PTER: variants seen among roughly 807,000 people sequenced by gnomAD.
The protein encoded by PTER is N-acetyltaurine hydrolase.
PTER carries 38 observed loss-of-function variants against 29.6 expected under a neutral mutation model. The ratio of observed to expected loss-of-function variants is 1.28; its 90% CI spans 0.99 to 1.68. The LOEUF (loss-of-function observed/expected upper bound fraction) is 1.68. PTER is among the 40% of genes most tolerant of loss of function. The probability of loss-of-function intolerance (pLI) is 0.00; values close to 1 mark genes in which losing one functional copy is unlikely to be tolerated. For synonymous variants in PTER, 172 were observed against 154.5 expected, an observed-to-expected ratio of 1.11 and a Z score of -0.84; for missense variants, 482 against 427.8, an observed-to-expected ratio of 1.13 and a Z score of -1.12.
chr10:16,508,903 A>G (rs977443958), intron 4 of PTER, among the ~76,000 whole-genome samples: 2 of 152,164 alleles, frequency 1.3e-5, no homozygotes, highest in African/African-American at 4.8e-5. Flanking sequence ...TTTCTGAGCC[A>G]TCGTAGTCTT....
downstream of PTER, among the ~76,000 whole-genome samples, chr10:16,515,170 T>C (rs1836930374): frequency 6.6e-6 from 1 of 151,198 alleles, no homozygotes; most frequent in Admixed American, 6.6e-5. Flanking sequence ...AAAATTGAGG[T>C]ATGTAATAGC....
intron 1 of PTER, among the ~76,000 whole-genome samples, chr10:16,451,482 G>A (rs536637326): frequency 1.5e-4 from 23 of 152,280 alleles, no homozygotes; most frequent in Middle Eastern, 3.4e-3. Context: ...GCCAAGGTGG[G>A]TGGATCACTT....
At chr10:16,459,696 G>C (rs1564389654) in intron 1 of PTER, among the ~76,000 whole-genome samples, 1 of 151,950 alleles carries the variant, frequency 6.6e-6, no homozygotes, top group Non-Finnish European at 1.5e-5. Context: ...TATTTGCTTT[G>C]CACTTAGATA....
At chr10:16,438,519 G>T (rs1331748615) in intron 1 of PTER, among the ~76,000 whole-genome samples, 2 of 149,422 alleles carry the variant, frequency 1.3e-5, no homozygotes, top group African/African-American at 2.5e-5. Context: ...ATTTTGTCCA[G>T]GTTGGTGTCA....
rs1836850633 is a variant in PTER, at chr10:16,512,429, T to C, written c.*1173T>C. On this transcript the variant is annotated 3_prime_UTR_variant, in exon 5 of 5. Transcript: ENST00000535784. Reference sequence around the variant, plus strand: ...TAATTCGAAATAAAATCCATTGCAATTCATTTATGAGTTATCTTACATATC... The same window carrying C: ...TAATTCGAAATAAAATCCATTGCAACTCATTTATGAGTTATCTTACATATC... 1 of 152,128 alleles carries C rather than the reference T, an allele frequency of 6.6e-6. No individual in the cohort carries two copies. Among genetic ancestry groups the C allele is most frequent in the Non-Finnish European group, 1.5e-5 (1 of 67,998 alleles). The allele number at this position is 152,128 out of a possible 1,614,324, so 9.4% of individuals were successfully genotyped here. A position where few individuals can be genotyped will look rare whatever the true frequency, so the allele number is the denominator to read the frequency against.
intron 4 of PTER, among the ~76,000 whole-genome samples, chr10:16,505,629 T>G (rs930087440): frequency 1.3e-5 from 2 of 152,228 alleles, no homozygotes; most frequent in South Asian, 4.1e-4. Flanking sequence ...GACTAAATAT[T>G]ATGTAAAATG....
At chr10:16,474,548 T>C (rs1835184519) in intron 1 of PTER, among the ~76,000 whole-genome samples, 1 of 152,028 alleles carries the variant, frequency 6.6e-6, no homozygotes, top group African/African-American at 2.4e-5. Flanking sequence ...ACCTACCCAT[T>C]TGGGGTGCTC....
Position 16,498,358 on chromosome 10 carries a change from C to G in PTER, c.699-6662C>G, listed in dbSNP as rs573729173. 2.6e-5 allele frequency among the ~76,000 whole-genome samples: 4 copies of G among 152,066 alleles called. No individual in the cohort carries two copies. In the East Asian group the frequency reaches 7.7e-4, roughly 29 times the overall value. On this transcript the variant is annotated intron_variant, in intron 3 of 4. Coordinates refer to ENST00000535784, the MANE Select transcript of PTER (RefSeq NM_001261836.2). ...AGGCCAAGGCAGGCAGATCAGCTGG[C>G]GCATCAGCTGAGGTCAGGAGTTTGA...
intron 3 of PTER, among the ~76,000 whole-genome samples, chr10:16,493,859 ATAAT>A (rs35497269): frequency 0.07 from 10,724 of 152,270 alleles, 502 homozygotes; most frequent in East Asian, 0.19. Context: ...AGTTATGGTG[ATAAT>A]TAATAATTAA....
intron 1 of PTER, among the ~76,000 whole-genome samples, chr10:16,482,657 T>C (rs1835523172): frequency 6.6e-6 from 1 of 152,180 alleles, no homozygotes; most frequent in Non-Finnish European, 1.5e-5. Context: ...CACGTGATGC[T>C]CCTTTTCTTC....
Position 16,484,516 on chromosome 10 carries a change from G to C in PTER, c.132G>C (p.Gln44His). 1 of 1,613,964 alleles carries C rather than the reference G, an allele frequency of 6.2e-7. No individual in the cohort carries two copies. The highest frequency in any genetic ancestry group is 8.5e-7 in the Non-Finnish European group (1 of 1,179,978). Reference sequence around the variant, plus strand: ...GTTACTGTCCACCTCCCCCGTGCCAGGAAGCTATTTCCAAAGAACCTATCG... The same window carrying C: ...GTTACTGTCCACCTCCCCCGTGCCACGAAGCTATTTCCAAAGAACCTATCG... The part of the protein sequence containing the change: ...DCCYCPPPPC[Q>H]EAISKEPIVM... Residue 44 changes from glutamine (Q) to histidine (H), a missense_variant, in exon 2 of 5, where the codon CAG becomes CAC. Transcript: ENST00000535784.
chr10:16,490,971 A>G (rs527606412), intron 3 of PTER, among the ~76,000 whole-genome samples: 3 of 151,820 alleles, frequency 2.0e-5, no homozygotes, highest in Non-Finnish European at 2.9e-5. Flanking sequence ...CTATATATAC[A>G]CATATGTATA....
At chr10:16,503,680 A>G (rs147929117) in intron 3 of PTER, among the ~76,000 whole-genome samples, 1,602 of 152,236 alleles carry the variant, frequency 0.011, 27 homozygotes, top group African/African-American at 0.037. Context: ...TGCTGGGATT[A>G]CAGGTGTGAG....
intron 1 of PTER, among the ~76,000 whole-genome samples, chr10:16,463,890 A>T (rs1286030410): frequency 6.6e-6 from 1 of 152,224 alleles, no homozygotes; most frequent in Admixed American, 6.5e-5. Flanking sequence ...AATACAGCTC[A>T]TCATCCTTGT....
intron 2 of PTER, among the ~76,000 whole-genome samples, chr10:16,485,128 A>G (rs1564401189): frequency 6.6e-6 from 1 of 152,216 alleles, no homozygotes; most frequent in Non-Finnish European, 1.5e-5. Context: ...ATCTGTCCTC[A>G]GTATTGGCAC....
At chr10:16,468,375 T>C (rs1049017702) in intron 1 of PTER, among the ~76,000 whole-genome samples, 1 of 23,904 alleles carries the variant, frequency 4.2e-5, no homozygotes, top group South Asian at 3.1e-3. Context: ...TGTTTAGCTC[T>C]TTTTTTTTTT....
intron 1 of PTER, among the ~76,000 whole-genome samples, chr10:16,470,093 G>A (rs1588602917): frequency 6.6e-6 from 1 of 152,242 alleles, no homozygotes; most frequent in East Asian, 1.9e-4. Flanking sequence ...ATGAAGTGCT[G>A]TTCATAGTCA....
At chr10:16,490,709 A>ATC (rs1835868705) in intron 3 of PTER, among the ~76,000 whole-genome samples, 1 of 149,762 alleles carries the variant, frequency 6.7e-6, no homozygotes, top group African/African-American at 2.5e-5. Flanking sequence ...CTAGTCTGCC[A>ATC]TACTGCTTGA....
intron 1 of PTER, among the ~76,000 whole-genome samples, chr10:16,440,100 CTA>C (rs1339936569): frequency 1.4e-5 from 2 of 141,574 alleles, no homozygotes; most frequent in Non-Finnish European, 3.0e-5. Flanking sequence ...GGGTCTCACT[CTA>C]TTGCCCAGAC....
Sources: allele counts gnomAD v4.1 joint callset (sites outside exome capture counted in the v4.1 genomes callset), GRCh38; gene constraint gnomAD v4.1.1; transcripts MANE v1.5; gene names NCBI Gene and HGNC (gene_info 2026-07-23, HGNC 2026-07-21).